The following ISY1 variants were observed in gnomAD, a reference collection of about 807,000 sequenced individuals.
The protein encoded by ISY1 is pre-mRNA-splicing factor ISY1 homolog.
ISY1 carries 12 observed loss-of-function variants against 54.4 expected under a neutral mutation model. That is an observed-to-expected ratio of 0.22 (90% CI 0.14 to 0.36). The LOEUF (loss-of-function observed/expected upper bound fraction) is 0.36. Among genes scored for constraint, ISY1 ranks in the 10% least tolerant of loss-of-function variants. The pLI is 1.00. For missense variants in ISY1, 282 were observed against 342.2 expected (o/e 0.82, Z 1.39); for synonymous variants, 96 against 117.9 (o/e 0.81, Z 1.20).
At chr3:129,133,566 CG>C (rs1244786727) in intron 9 of ISY1, among the ~76,000 whole-genome samples, 1 of 152,136 alleles carries the variant, frequency 6.6e-6, no homozygotes, top group Non-Finnish European at 1.5e-5. Flanking sequence ...TGGTGGCACT[CG>C]CCTGTAGTCC....
intron 9 of ISY1, among the ~76,000 whole-genome samples, chr3:129,132,278 C>A (rs530526529): frequency 2.6e-5 from 4 of 152,312 alleles, no homozygotes; most frequent in Admixed American, 2.0e-4. Flanking sequence ...CTGGGGGGAA[C>A]TGGGTGAAGC....
At chr3:129,132,271 G>C (rs1453908478) in intron 9 of ISY1, among the ~76,000 whole-genome samples, 1 of 152,072 alleles carries the variant, frequency 6.6e-6, no homozygotes, top group Non-Finnish European at 1.5e-5. Flanking sequence ...ACAACCACTG[G>C]GGGGAACTGG....
intron 7 of ISY1, among the ~76,000 whole-genome samples, chr3:129,139,678 T>C (rs1024620112): frequency 6.6e-6 from 1 of 152,044 alleles, no homozygotes; most frequent in African/African-American, 2.4e-5. Flanking sequence ...GTTTCGCTCT[T>C]GCTGTCCAGG....
intron 9 of ISY1, among the ~76,000 whole-genome samples, chr3:129,132,333 A>G (rs1560012853): frequency 6.6e-6 from 1 of 152,128 alleles, no homozygotes; most frequent in Non-Finnish European, 1.5e-5. Context: ...CTGTATCTCT[A>G]TAATTATTTG....
At chr3:129,159,014 A>C (rs773603655) in intron 2 of ISY1, 140 bp downstream of exon 2, 3 of 1,120,038 alleles carry the variant, frequency 2.7e-6, no homozygotes, top group Non-Finnish European at 3.9e-6. Flanking sequence ...ATGTTTTTGC[A>C]TATGTAAGAA....
chr3:129,139,388 T>G (rs902122257), intron 7 of ISY1, among the ~76,000 whole-genome samples: 28 of 152,212 alleles, frequency 1.8e-4, no homozygotes, highest in African/African-American at 6.5e-4. Flanking sequence ...AATAGAACTA[T>G]ATTTTTTTTA....
At chr3:129,149,583 CTAA>C (rs1560020318) in intron 5 of ISY1, among the ~76,000 whole-genome samples, 2 of 40,616 alleles carry the variant, frequency 4.9e-5, no homozygotes, top group Non-Finnish European at 8.0e-5. Flanking sequence ...CCCGTCTCTA[CTAA>C]AAAAAAAAAA....
intron 1 of ISY1, among the ~76,000 whole-genome samples, chr3:129,159,377 A>G (rs558232123): frequency 1.3e-5 from 2 of 152,150 alleles, no homozygotes; most frequent in South Asian, 4.2e-4. Context: ...TAAAATCTTT[A>G]CTCCTCCACT....
chr3:129,150,104 C>T (rs191978090), intron 5 of ISY1, among the ~76,000 whole-genome samples: 2 of 152,102 alleles, frequency 1.3e-5, no homozygotes, highest in African/African-American at 4.8e-5. Context: ...GAAGCTGGAG[C>T]TTTCTATTAC....
At chr3:129,143,841 T>TA (rs1439997089) in intron 6 of ISY1, among the ~76,000 whole-genome samples, 5 of 152,070 alleles carry the variant, frequency 3.3e-5, no homozygotes, top group Non-Finnish European at 7.4e-5. Flanking sequence ...AGAAAAAAGA[T>TA]AAAGAGCATA....
intron 5 of ISY1, among the ~76,000 whole-genome samples, chr3:129,154,208 A>T (rs1937063115): frequency 6.9e-6 from 1 of 144,314 alleles, no homozygotes; most frequent in African/African-American, 2.6e-5. Flanking sequence ...GCGCCACTGC[A>T]CTCCAGCCTG....
At chr3:129,134,251 C>T (rs1339513546) in intron 8 of ISY1, 56 bp from the exon 9 acceptor site, 15 of 1,610,778 alleles carry the variant, frequency 9.3e-6, no homozygotes, top group Non-Finnish European at 1.3e-5. Context: ...GCTTTCAACA[C>T]TATGCAGGGA....
At chr3:129,156,791 T>C (rs769572784) in intron 4 of ISY1, 64 bp downstream of exon 4, 4 of 1,587,194 alleles carry the variant, frequency 2.5e-6, no homozygotes, top group South Asian at 2.3e-5. Flanking sequence ...AACAGTCATT[T>C]AGATAATAAG....
At chr3:129,148,406 G>A (rs1056205318) in intron 5 of ISY1, among the ~76,000 whole-genome samples, 1 of 152,134 alleles carries the variant, frequency 6.6e-6, no homozygotes, top group Non-Finnish European at 1.5e-5. Flanking sequence ...CTCACTAGCA[G>A]TGCATGAGAG....
chr3:129,160,342 C>T (rs1215027154), intron 1 of ISY1, among the ~76,000 whole-genome samples: 1 of 151,678 alleles, frequency 6.6e-6, no homozygotes, highest in African/African-American at 2.4e-5. Context: ...ATCTTTGTAC[C>T]GGCACTACGT....
chr3:129,132,774 AGC>A (rs1936273215), intron 9 of ISY1, among the ~76,000 whole-genome samples: 1 of 152,224 alleles, frequency 6.6e-6, no homozygotes, highest in Non-Finnish European at 1.5e-5. Context: ...CTGCTGAGAG[AGC>A]AAATGAATAT....
In ISY1 at chr3:129,134,781, C is replaced by T. The variant is rs761174210; in HGVS notation, c.541+51G>A. 4.5e-6 allele frequency: 7 copies of T among 1,553,422 alleles called. No homozygotes were observed. In the East Asian group the frequency reaches 1.2e-4, roughly 27 times the overall value. ...TTGAAAATCCTGTTTTCAAAGGACA[C>T]AACAGAAAACAGATGCCATCTATTA... On this transcript the variant is annotated intron_variant, in intron 8 of 10. Coordinates refer to ENST00000393295, the MANE Select transcript of ISY1 (RefSeq NM_020701.4).
chr3:129,145,679 A>T (rs1310298400), intron 6 of ISY1, 82 bp downstream of exon 6: 1 of 1,350,198 alleles, frequency 7.4e-7, no homozygotes, highest in East Asian at 2.3e-5. Flanking sequence ...GTATCAAGCG[A>T]CTACTATGGC....
chr3:129,134,625 C>T (rs539200204), intron 8 of ISY1, among the ~76,000 whole-genome samples: 4 of 152,194 alleles, frequency 2.6e-5, no homozygotes, highest in African/African-American at 9.6e-5. Context: ...ACGTGGCTCT[C>T]ATGGCTTCCC....
Sources: gnomAD v4.1 joint callset for allele counts (sites outside exome capture counted in the v4.1 genomes callset) on GRCh38, gnomAD v4.1.1 for gene constraint, MANE v1.5 for transcripts, NCBI Gene and HGNC (gene_info 2026-07-23, HGNC 2026-07-21) for gene names.